INSYN2B: variants seen among roughly 807,000 people sequenced by gnomAD.
The protein encoded by INSYN2B is protein INSYN2B.
Under a neutral mutation model 41.2 loss-of-function variants are expected in INSYN2B, and 16 were observed. The ratio of observed to expected loss-of-function variants is 0.39; its 90% CI spans 0.26 to 0.59. The LOEUF is 0.59. Among genes scored for constraint, INSYN2B ranks in the 20% least tolerant of loss-of-function variants. The pLI is 0.57. For missense variants in INSYN2B, 608 were observed against 646.4 expected, an observed-to-expected ratio of 0.94 and a Z score of 0.64; for synonymous variants, 245 against 244.4, an observed-to-expected ratio of 1.00 and a Z score of -0.02.
intron 1 of INSYN2B, among the ~76,000 whole-genome samples, chr5:169,885,995 C>A (rs572193680): frequency 1.3e-5 from 2 of 152,058 alleles, no homozygotes; most frequent in Admixed American, 6.5e-5. Flanking sequence ...CCAAAGTCTG[C>A]ATTCTTAACT....
Position 169,881,353 on chromosome 5 carries a change from C to T in INSYN2B, c.1421+15G>A. ...TTTATGGTCTACAGAGCAGGCCTCG[C>T]TTGTGGCCAGGTACCTGTATATGAT... is the stretch of plus-strand genomic sequence containing the variant. On this transcript the variant is annotated intron_variant, in intron 3 of 3. Coordinates refer to ENST00000377365, the MANE Select transcript of INSYN2B (RefSeq NM_001129891.3). 6.5e-7 allele frequency: 1 copy of T among 1,550,226 alleles called. No individual in the cohort carries two copies. The highest frequency in any genetic ancestry group is 8.7e-7 in the Non-Finnish European group (1 of 1,145,686).
chr5:169,882,995 C>A lies in INSYN2B; in HGVS notation c.904G>T (p.Val302Phe), dbSNP rs1772751549. The change falls in exon 2 of 4, where the codon GTT becomes TTT. Residue 302 changes from valine (V) to phenylalanine (F), a missense_variant. Val to Phe is a conservative substitution (Grantham distance 50). Coordinates refer to ENST00000377365, the MANE Select transcript of INSYN2B (RefSeq NM_001129891.3). ...CTGTGAGTCCGTGGAGATGAAGGAACACACGTTTCCTTTGACTGAGATGAC... is the reference window on the plus strand; with the variant it reads ...CTGTGAGTCCGTGGAGATGAAGGAAAACACGTTTCCTTTGACTGAGATGAC... ...SLSSQSKETCVPSSPRTHSSP... is the reference protein window; with the variant it reads ...SLSSQSKETCFPSSPRTHSSP... The A allele has an allele frequency of 1.3e-6, 2 of 1,551,644 alleles. No individual in the cohort carries two copies. Among genetic ancestry groups the A allele is most frequent in the East Asian group, 4.9e-5 (2 of 40,926 alleles).
intron 1 of INSYN2B, among the ~76,000 whole-genome samples, chr5:169,892,916 G>A (rs1471703597): frequency 6.6e-6 from 1 of 151,692 alleles, no homozygotes; most frequent in Non-Finnish European, 1.5e-5. Context: ...CTTCTCTTCT[G>A]TTTTCTCCAG....
At chr5:169,960,482 T>A (rs1274906646) in intron 1 of INSYN2B, among the ~76,000 whole-genome samples, 6 of 152,220 alleles carry the variant, frequency 3.9e-5, no homozygotes, top group Non-Finnish European at 8.8e-5. Flanking sequence ...AAATCTCATA[T>A]ACTCAAGATG....
chr5:169,943,997 T>C (rs1293217599), intron 1 of INSYN2B, among the ~76,000 whole-genome samples: 6 of 152,240 alleles, frequency 3.9e-5, no homozygotes, highest in Admixed American at 3.3e-4. Context: ...AATAGCATGG[T>C]GTGACTCTAT....
At chr5:169,943,169 C>T (rs1036291023) in intron 1 of INSYN2B, among the ~76,000 whole-genome samples, 4 of 152,148 alleles carry the variant, frequency 2.6e-5, no homozygotes, top group Admixed American at 1.3e-4. Context: ...CTAAAGTACC[C>T]GTGTGAAGTT....
intron 1 of INSYN2B, among the ~76,000 whole-genome samples, chr5:169,896,887 T>A (rs1483376814): frequency 1.3e-5 from 2 of 150,804 alleles, no homozygotes; most frequent in Non-Finnish European, 3.0e-5. Flanking sequence ...AGATGAGAGG[T>A]AAAAAATAAA....
intron 1 of INSYN2B, among the ~76,000 whole-genome samples, chr5:169,904,091 C>CAAAAAAAA (rs57983281): frequency 1.4e-5 from 1 of 70,398 alleles, no homozygotes; most frequent in Non-Finnish European, 3.0e-5. Context: ...GACTTCGTCT[C>CAAAAAAAA]AAAAAAAAAA....
intron 3 of INSYN2B, chr5:169,875,162 T>C: frequency 2.2e-6 from 1 of 454,944 alleles, no homozygotes; most frequent in Non-Finnish European, 4.4e-6. Flanking sequence ...AAGTATCTTC[T>C]TTCAAGACCC....
At chr5:169,973,182 T>A (rs141590161) in intron 1 of INSYN2B, among the ~76,000 whole-genome samples, 23 of 152,292 alleles carry the variant, frequency 1.5e-4, no homozygotes, top group African/African-American at 5.3e-4. Context: ...GTGAACATAT[T>A]TATCTGCCTG....
At chr5:169,946,997 A>G (rs1253738548) in intron 1 of INSYN2B, among the ~76,000 whole-genome samples, 1 of 152,206 alleles carries the variant, frequency 6.6e-6, no homozygotes, top group Non-Finnish European at 1.5e-5. Context: ...GGGTTTGGAG[A>G]GGAGCGCTGA....
intron 3 of INSYN2B, among the ~76,000 whole-genome samples, chr5:169,867,314 C>A (rs889304304): frequency 6.6e-6 from 1 of 152,138 alleles, no homozygotes; most frequent in Non-Finnish European, 1.5e-5. Flanking sequence ...TTTCCTGAGG[C>A]CTGCTCCTGA....
At chr5:169,951,955 A>G (rs1012956271) in intron 1 of INSYN2B, among the ~76,000 whole-genome samples, 1 of 152,222 alleles carries the variant, frequency 6.6e-6, no homozygotes, top group African/African-American at 2.4e-5. Context: ...TATTCTGACC[A>G]TCTCTCAGCC....
At chr5:169,975,615 G>A (rs540476531) in intron 1 of INSYN2B, among the ~76,000 whole-genome samples, 11 of 152,160 alleles carry the variant, frequency 7.2e-5, no homozygotes, top group African/African-American at 2.7e-4. Context: ...TCACTATTCA[G>A]GTTTCTACTC....
rs1387198245 is a variant in INSYN2B, at chr5:169,861,474, A to G, written c.*2799T>C. On this transcript the variant is annotated 3_prime_UTR_variant, in exon 4 of 4. Transcript: ENST00000377365. ...GCATTTATGCATTGCTTTTTAAACTACAGAGAAAGCAGCTACATAAACTCC... is the reference window on the plus strand; with the variant it reads ...GCATTTATGCATTGCTTTTTAAACTGCAGAGAAAGCAGCTACATAAACTCC... Among the ~76,000 whole-genome samples, 2 of 152,220 alleles carry G rather than the reference A, an allele frequency of 1.3e-5. No homozygotes were observed.
intron 1 of INSYN2B, among the ~76,000 whole-genome samples, chr5:169,926,058 G>C (rs1011904900): frequency 6.6e-6 from 1 of 152,190 alleles, no homozygotes; most frequent in South Asian, 2.1e-4. Context: ...CCATTGCTTA[G>C]AGCTGAGCTT....
intron 1 of INSYN2B, among the ~76,000 whole-genome samples, chr5:169,945,976 C>G (rs1306787090): frequency 6.6e-6 from 1 of 152,188 alleles, no homozygotes; most frequent in Non-Finnish European, 1.5e-5. Flanking sequence ...CAGGCTCCAG[C>G]CCTGGTGCAA....
chr5:169,867,459 A>G (rs201364194), intron 3 of INSYN2B, among the ~76,000 whole-genome samples: 4 of 131,790 alleles, frequency 3.0e-5, no homozygotes, highest in Admixed American at 1.5e-4. Context: ...CTGTCTGTCT[A>G]TCTATTGATC....
chr5:169,895,611 G>C (rs1581375559), intron 1 of INSYN2B, among the ~76,000 whole-genome samples: 1 of 151,968 alleles, frequency 6.6e-6, no homozygotes, highest in East Asian at 1.9e-4. Flanking sequence ...AGCCACTGGG[G>C]GTTCCACCTT....
Sources: gnomAD v4.1 joint callset for allele counts (sites outside exome capture counted in the v4.1 genomes callset) on GRCh38, gnomAD v4.1.1 for gene constraint, MANE v1.5 for transcripts, NCBI Gene and HGNC (gene_info 2026-07-23, HGNC 2026-07-21) for gene names.